Variants in CC2D2A observed in about 807,000 individuals in gnomAD.
CC2D2A encodes coiled-coil and C2 domain-containing protein 2A.
In CC2D2A, 155 loss-of-function variants were observed where a neutral mutation model predicts 212.9. The observed-to-expected ratio is 0.73, with a 90% CI of 0.64 to 0.83. CC2D2A has a LOEUF of 0.83. Ranked by LOEUF, CC2D2A falls within the 40% of genes least tolerant of loss-of-function variation. The pLI, the probability that CC2D2A is intolerant of heterozygous loss-of-function variation, is 0.00. For synonymous variants in CC2D2A, 667 were observed against 686.5 expected, an observed-to-expected ratio of 0.97 and a Z score of 0.44; for missense variants, 1,856 against 1,956.2, an observed-to-expected ratio of 0.95 and a Z score of 0.97.
intron 2 of CC2D2A, among the ~76,000 whole-genome samples, chr4:15,477,353 A>T (rs1419903383): frequency 2.0e-5 from 3 of 152,178 alleles, no homozygotes; most frequent in Admixed American, 2.0e-4. Context: ...AAACCCACAT[A>T]AATTTATATT....
At chr4:15,496,033 C>A (rs1470941640) in intron 4 of CC2D2A, among the ~76,000 whole-genome samples, 1 of 152,180 alleles carries the variant, frequency 6.6e-6, no homozygotes, top group East Asian at 1.9e-4. Context: ...ACAAGTACAT[C>A]TTTTGAAAAT....
At chr4:15,492,761 C>A in intron 4 of CC2D2A, 1 of 797,030 alleles carries the variant, frequency 1.3e-6, no homozygotes, top group South Asian at 1.4e-5. Flanking sequence ...AGGTCCACCA[C>A]TCTATTGCTA....
intron 4 of CC2D2A, among the ~76,000 whole-genome samples, chr4:15,495,348 A>G (rs752053690): frequency 2.6e-5 from 4 of 152,138 alleles, no homozygotes; most frequent in Non-Finnish European, 5.9e-5. Context: ...AGCTCAGACA[A>G]TCCTCTCACC....
At chr4:15,574,526 G>A (rs191179494) in intron 29 of CC2D2A, among the ~76,000 whole-genome samples, 200 bp downstream of exon 29, 5 of 152,232 alleles carry the variant, frequency 3.3e-5, no homozygotes, top group Admixed American at 2.6e-4. Flanking sequence ...ACCAGTAATC[G>A]GGTCAATCAG....
intron 29 of CC2D2A, among the ~76,000 whole-genome samples, chr4:15,579,385 G>A (rs774601000): frequency 1.3e-5 from 2 of 151,910 alleles, no homozygotes; most frequent in Non-Finnish European, 2.9e-5. Flanking sequence ...ACCAAGATGA[G>A]CAACCAGTTA....
rs117584957 is a variant in CC2D2A, at chr4:15,482,228, G to C, written c.247+1401G>C. Reference sequence around the variant, plus strand: ...ATCTAAAAGCAATGATACAATGAGAGCTGTTATGAATTAATAAAAACAGAA... The same window carrying C: ...ATCTAAAAGCAATGATACAATGAGACCTGTTATGAATTAATAAAAACAGAA... On this transcript the variant is annotated intron_variant, in intron 4 of 36. Coordinates refer to ENST00000424120, the MANE Select transcript of CC2D2A (RefSeq NM_001378615.1). The C allele has an allele frequency of 1.8e-5, 18 of 985,130 alleles. 1 individual carries two copies. In the East Asian group the frequency reaches 2.0e-3, roughly 112 times the overall value. The allele number at this position is 985,130 out of a possible 1,614,324, so 61.0% of individuals were successfully genotyped here.
At chr4:15,504,173 C>A (rs1004714457) in intron 6 of CC2D2A, among the ~76,000 whole-genome samples, 1 of 152,140 alleles carries the variant, frequency 6.6e-6, no homozygotes, top group South Asian at 2.1e-4. Context: ...CCTATATTCA[C>A]CCCAAAGAAG....
intron 26 of CC2D2A, among the ~76,000 whole-genome samples, chr4:15,568,759 A>T (rs1720016624): frequency 6.6e-6 from 1 of 152,194 alleles, no homozygotes; most frequent in Non-Finnish European, 1.5e-5. Context: ...CTCCAGGCTT[A>T]GCTAGACTCA....
At chr4:15,571,921 G>A (rs964445617) in intron 28 of CC2D2A, among the ~76,000 whole-genome samples, 2 of 152,108 alleles carry the variant, frequency 1.3e-5, no homozygotes, top group African/African-American at 2.4e-5. Flanking sequence ...ACTATATTCT[G>A]GTAATATCTG....
At chr4:15,515,744 A>T in intron 9 of CC2D2A, 124 bp from the exon 10 acceptor site, 1 of 945,538 alleles carries the variant, frequency 1.1e-6, no homozygotes, top group Non-Finnish European at 1.5e-6. Context: ...TTTAAAAATT[A>T]ATTTGGAAAA....
chr4:15,567,322 A>G (rs898907265), intron 24 of CC2D2A, 55 bp from the exon 25 acceptor site: 4 of 1,288,306 alleles, frequency 3.1e-6, no homozygotes, highest in Admixed American at 1.8e-5. Flanking sequence ...TGTCTTCTCA[A>G]TATATAATTA....
rs573032680 is a variant in CC2D2A, at chr4:15,601,102, TA to T, written c.4675-130del. 408 of 747,056 alleles carry T rather than the reference TA, an allele frequency of 5.5e-4. 1 individual carries two copies. The African/African-American group carries it at 6.5e-3, about 12-fold the overall frequency. The allele number at this position is 747,056 out of a possible 1,614,324, so 46.3% of individuals were successfully genotyped here. A position where few individuals can be genotyped will look rare whatever the true frequency, so the allele number is the denominator to read the frequency against. On this transcript the variant is annotated intron_variant, in intron 36 of 36. Coordinates refer to ENST00000424120, the MANE Select transcript of CC2D2A (RefSeq NM_001378615.1). ...AGCTCTCGATTTTCTGTATTGCTAA[TA>T]AAAAGCTGAGTAGAAAAACACAAGC...
intron 33 of CC2D2A, among the ~76,000 whole-genome samples, chr4:15,591,504 C>G (rs1461517147): frequency 1.3e-5 from 2 of 152,206 alleles, no homozygotes; most frequent in Non-Finnish European, 2.9e-5. Flanking sequence ...CAGGCGTGAG[C>G]CACCGTGCCC....
At chr4:15,552,971 G>A (rs1719083865) in intron 18 of CC2D2A, among the ~76,000 whole-genome samples, 187 bp from the exon 19 acceptor site, 1 of 152,212 alleles carries the variant, frequency 6.6e-6, no homozygotes, top group Non-Finnish European at 1.5e-5. Context: ...TGCCATCAGA[G>A]ACAGAGCTGA....
intron 17 of CC2D2A, among the ~76,000 whole-genome samples, chr4:15,547,804 T>A (rs188225792): frequency 1.1e-3 from 160 of 151,930 alleles, no homozygotes; most frequent in African/African-American, 3.6e-3. Flanking sequence ...CTTTGGGAGG[T>A]CATGGCGGGT....
At chr4:15,592,411 A>C (rs909951723) in intron 33 of CC2D2A, among the ~76,000 whole-genome samples, 13 of 152,196 alleles carry the variant, frequency 8.5e-5, no homozygotes, top group African/African-American at 2.9e-4. Context: ...CTTCCTGACC[A>C]TACTGCAGAA....
intron 4 of CC2D2A, among the ~76,000 whole-genome samples, chr4:15,491,948 T>A (rs896987935): frequency 6.6e-5 from 10 of 152,220 alleles, no homozygotes; most frequent in African/African-American, 2.4e-4. Flanking sequence ...ATCTAAAAAT[T>A]AATTGCCCAA....
rs556626219 is a variant in CC2D2A, at chr4:15,492,153, C to T, written c.248-10276C>T. On this transcript the variant is annotated intron_variant, in intron 4 of 36. Coordinates refer to ENST00000424120, the MANE Select transcript of CC2D2A (RefSeq NM_001378615.1). ...TCCCCACCCCATTAAATGGACTTTA[C>T]ATTTTTTTCTATTGCTTGGGTCAAA... Among the ~76,000 whole-genome samples the T allele has an allele frequency of 6.6e-5, 10 of 152,316 alleles. No individual in the cohort carries two copies. In the South Asian group the frequency reaches 2.1e-3, roughly 32 times the overall value.
chr4:15,479,265 C>A (rs749907863), intron 3 of CC2D2A: 4 of 1,537,260 alleles, frequency 2.6e-6, no homozygotes, highest in South Asian at 1.2e-5. Flanking sequence ...GATCCTCCCC[C>A]ACCTCTCCGC....
Sources: gnomAD v4.1 joint callset for allele counts (sites outside exome capture counted in the v4.1 genomes callset) on GRCh38, gnomAD v4.1.1 for gene constraint, MANE v1.5 for transcripts, NCBI Gene and HGNC (gene_info 2026-07-23, HGNC 2026-07-21) for gene names.